The following FAM124B variants were observed in gnomAD, a reference collection of about 807,000 sequenced individuals.
FAM124B encodes the protein family with sequence similarity 124 member B.
FAM124B carries 18 observed loss-of-function variants against 19.7 expected under a neutral mutation model. The observed-to-expected ratio is 0.92, with a 90% CI of 0.63 to 1.36. The LOEUF is 1.36. Among genes scored for constraint, FAM124B ranks in the 40% most tolerant of loss-of-function variants. The probability of loss-of-function intolerance (pLI) is 0.00; values close to 1 mark genes in which losing one functional copy is unlikely to be tolerated. For synonymous variants in FAM124B, 223 were observed against 225.2 expected (o/e 0.99, Z 0.09); for missense variants, 540 against 553.3 (o/e 0.98, Z 0.24).
In FAM124B at chr2:224,401,550, C is replaced by A; in HGVS notation, c.219G>T (p.Leu73=). The change falls in exon 1 of 2, where the codon CTG becomes CTT. Residue 73 remains leucine, a synonymous_variant. Transcript: ENST00000409685. The part of the protein sequence containing the change: ...RFPGMSVLLF[L]HESPGEDRLF... ...GCCTATCCTCTCCCGGGCTTTCGTGCAGGAAGAGCAACACGGACATCCCTG... is the reference window on the plus strand; with the variant it reads ...GCCTATCCTCTCCCGGGCTTTCGTGAAGGAAGAGCAACACGGACATCCCTG... 1 of 1,614,108 alleles carries A rather than the reference C, an allele frequency of 6.2e-7. No homozygotes were observed. Among genetic ancestry groups the A allele is most frequent in the Non-Finnish European group, 8.5e-7 (1 of 1,179,986 alleles).
intron 1 of FAM124B, among the ~76,000 whole-genome samples, chr2:224,392,721 C>T (rs1001951145): frequency 1.3e-5 from 2 of 151,666 alleles, no homozygotes; most frequent in African/African-American, 4.9e-5. Flanking sequence ...CACTACTGCA[C>T]TTCAGTCTGG....
chr2:224,392,023 G>A (rs904696341), intron 1 of FAM124B, among the ~76,000 whole-genome samples: 1 of 152,148 alleles, frequency 6.6e-6, no homozygotes, highest in Non-Finnish European at 1.5e-5. Context: ...GTACAGGGAG[G>A]TAACATATGT....
At chr2:224,384,556 G>GCCTCT (rs1689772574) in intron 1 of FAM124B, among the ~76,000 whole-genome samples, 1 of 152,116 alleles carries the variant, frequency 6.6e-6, no homozygotes, top group Admixed American at 6.5e-5. Flanking sequence ...GTGGTTTCCG[G>GCCTCT]CCTCTCCCAG....
chr2:224,384,084 G>A (rs189391330), intron 1 of FAM124B, among the ~76,000 whole-genome samples: 353 of 152,218 alleles, frequency 2.3e-3, no homozygotes, highest in African/African-American at 7.9e-3. Flanking sequence ...AACCAGTGCC[G>A]AGACATCTCA....
intron 1 of FAM124B, among the ~76,000 whole-genome samples, chr2:224,395,910 T>C (rs1689962379): frequency 6.6e-6 from 1 of 152,188 alleles, no homozygotes. Flanking sequence ...GCTTCTACTT[T>C]ACCAAGCACC....
chr2:224,385,518 A>G (rs1689789375), intron 1 of FAM124B, among the ~76,000 whole-genome samples: 1 of 152,130 alleles, frequency 6.6e-6, no homozygotes, highest in Non-Finnish European at 1.5e-5. Flanking sequence ...CTAGGCCTTC[A>G]GTTAGCGTCT....
intron 1 of FAM124B, among the ~76,000 whole-genome samples, chr2:224,394,600 A>T (rs1689939696): frequency 6.6e-6 from 1 of 152,198 alleles, no homozygotes; most frequent in Non-Finnish European, 1.5e-5. Context: ...TAAATTATAT[A>T]TTATAGGTAT....
rs759546773 is a variant in FAM124B at position 224,379,398 on chromosome 2, A to G, written c.*175T>C. The G allele has an allele frequency of 7.6e-5, 71 of 933,594 alleles. No homozygotes were observed. Among genetic ancestry groups the G allele is most frequent in the Admixed American group, 3.3e-5 (1 of 30,752 alleles). 57.8% of individuals were successfully genotyped at this position (933,594 alleles called of 1,614,324 possible). On this transcript the variant is annotated 3_prime_UTR_variant, in exon 2 of 2. Coordinates refer to ENST00000409685, the MANE Select transcript of FAM124B (RefSeq NM_001122779.2). Reference sequence around the variant, plus strand: ...TTATGACTGTGACGGCAAATAAACAATCATTCCCAGCACCTTTAGACTTTG... The same window carrying G: ...TTATGACTGTGACGGCAAATAAACAGTCATTCCCAGCACCTTTAGACTTTG...
At chr2:224,381,837 C>A (rs1025807787) in intron 1 of FAM124B, among the ~76,000 whole-genome samples, 7 of 152,034 alleles carry the variant, frequency 4.6e-5, no homozygotes, top group East Asian at 1.9e-4. Flanking sequence ...GTGAACCTAC[C>A]ACTGCTGTAA....
At chr2:224,382,583 A>G (rs945767493) in intron 1 of FAM124B, among the ~76,000 whole-genome samples, 1 of 151,786 alleles carries the variant, frequency 6.6e-6, no homozygotes, top group Non-Finnish European at 1.5e-5. Context: ...CTAATTTTGT[A>G]TTTTTAGTAG....
rs577944723 is a variant in FAM124B, at chr2:224,379,753, T to C, written c.1188A>G (p.Pro396=). ...AGGTAGCCACCCCCAAGGAAGAGGC[T>C]GGCAAGCAGAATGGTGGCTGGCTGG... is the stretch of plus-strand genomic sequence containing the variant. ...LQTSQPPFCL[P]ASSLGVATSK... Residue 396 remains proline, a synonymous_variant, in exon 2 of 2, where the codon CCA becomes CCG. Coordinates refer to ENST00000409685, the MANE Select transcript of FAM124B (RefSeq NM_001122779.2). 9 of 1,551,738 alleles carry C rather than the reference T, an allele frequency of 5.8e-6. No homozygotes were observed. Among genetic ancestry groups the C allele is most frequent in the Non-Finnish European group, 7.8e-6 (9 of 1,147,002 alleles).
chr2:224,387,427 G>GC (rs1689815493), intron 1 of FAM124B, among the ~76,000 whole-genome samples: 1 of 152,158 alleles, frequency 6.6e-6, no homozygotes, highest in African/African-American at 2.4e-5. Flanking sequence ...CAAGAAGATA[G>GC]CAAGAGAGAA....
At chr2:224,396,981 C>T (rs948907559) in intron 1 of FAM124B, among the ~76,000 whole-genome samples, 1 of 152,198 alleles carries the variant, frequency 6.6e-6, no homozygotes, top group Non-Finnish European at 1.5e-5. Flanking sequence ...GCCAGACTCG[C>T]TACCCAGCCC....
At position 224,400,464 on chromosome 2, in the gene FAM124B, C is replaced by T. The variant is rs757798346; in HGVS notation, c.732+573G>A. The stretch of plus-strand genomic sequence containing the variant: ...AAGACCTCAGGGAGCTATGATGGCA[C>T]CACCGCACTCGAGTCTGGGCAACAG... On this transcript the variant is annotated intron_variant, in intron 1 of 1. Transcript: ENST00000409685. 7 of 697,740 alleles carry T rather than the reference C, an allele frequency of 1.0e-5. No individual in the cohort carries two copies. The South Asian group carries it at 1.0e-4, about 10-fold the overall frequency. The allele number at this position is 697,740 out of a possible 1,614,324, so 43.2% of individuals were successfully genotyped here. A position where few individuals can be genotyped will look rare whatever the true frequency, so the allele number is the denominator to read the frequency against.
At chr2:224,382,983 G>C (rs1032923643) in intron 1 of FAM124B, among the ~76,000 whole-genome samples, 2 of 152,144 alleles carry the variant, frequency 1.3e-5, no homozygotes, top group African/African-American at 4.8e-5. Flanking sequence ...GCCCCAGAGT[G>C]TGTTGAAGAG....
intron 1 of FAM124B, among the ~76,000 whole-genome samples, chr2:224,382,016 G>A (rs924026839): frequency 4.6e-5 from 7 of 152,060 alleles, no homozygotes; most frequent in South Asian, 4.1e-4. Context: ...TATAGATGAC[G>A]CAGAGTACAT....
intron 1 of FAM124B, among the ~76,000 whole-genome samples, chr2:224,396,796 A>G (rs1230315752): frequency 6.6e-6 from 1 of 152,250 alleles, no homozygotes; most frequent in Non-Finnish European, 1.5e-5. Flanking sequence ...TTGTTGCGCC[A>G]TGGTGGGGCA....
chr2:224,393,550 T>G (rs1435503741), intron 1 of FAM124B, among the ~76,000 whole-genome samples: 1 of 152,062 alleles, frequency 6.6e-6, no homozygotes, highest in Admixed American at 6.5e-5. Context: ...TTAGTCAACT[T>G]GGGAAGCAGT....
chr2:224,379,683 G>T lies in FAM124B; in HGVS notation c.1258C>A (p.Leu420Ile). 6.4e-7 allele frequency: 1 copy of T among 1,551,702 alleles called. No homozygotes were observed. Among genetic ancestry groups the T allele is most frequent in the Non-Finnish European group, 8.7e-7 (1 of 1,146,998 alleles). ...VLKERVSPLP[L>I]AGQRDLGTRK... ...GTACCAAGGTCCCTTTGGCCAGCAA[G>T]TGGCAAAGGAGAGACTCTTTCCTTA... The change falls in exon 2 of 2, where the codon CTT becomes ATT. Residue 420 changes from leucine to isoleucine, a missense_variant. By Grantham distance (5) the Leu-to-Ile change is conservative. Coordinates refer to ENST00000409685, the MANE Select transcript of FAM124B (RefSeq NM_001122779.2).
Sources: gnomAD v4.1 joint callset for allele counts (sites outside exome capture counted in the v4.1 genomes callset) on GRCh38, gnomAD v4.1.1 for gene constraint, MANE v1.5 for transcripts, NCBI Gene and HGNC (gene_info 2026-07-23, HGNC 2026-07-21) for gene names.